EGLN1: variants seen among roughly 807,000 people sequenced by gnomAD.
The protein encoded by EGLN1 is egl nine homolog 1.
EGLN1 carries 17 observed loss-of-function variants against 38.3 expected under a neutral mutation model. That is an observed-to-expected ratio of 0.44 (90% CI 0.30 to 0.67). The LOEUF is 0.67. Ranked by LOEUF, EGLN1 falls within the 30% of genes least tolerant of loss-of-function variation. The probability of loss-of-function intolerance (pLI) is 0.08; values close to 1 mark genes in which losing one functional copy is unlikely to be tolerated. For missense variants in EGLN1, 477 were observed against 603.3 expected (o/e 0.79, Z 2.19); for synonymous variants, 283 against 257.5 (o/e 1.10, Z -0.95).
intron 1 of EGLN1, among the ~76,000 whole-genome samples, chr1:231,389,874 G>C (rs1688322947): frequency 6.6e-6 from 1 of 152,156 alleles, no homozygotes; most frequent in African/African-American, 2.4e-5. Context: ...CTTGAACCCG[G>C]GAGGCAGAGG....
chr1:231,407,958 C>G (rs1419678720), intron 1 of EGLN1, among the ~76,000 whole-genome samples: 1 of 151,988 alleles, frequency 6.6e-6, no homozygotes, highest in African/African-American at 2.4e-5. Context: ...GGTGGTAAAG[C>G]AGAGGTGAGG....
chr1:231,397,316 AAAT>A (rs1688554702), intron 1 of EGLN1, among the ~76,000 whole-genome samples: 1 of 152,218 alleles, frequency 6.6e-6, no homozygotes, highest in Admixed American at 6.5e-5. Context: ...AAATCAATAT[AAAT>A]CAAACTACTT....
chr1:231,404,716 C>T (rs1289271405), intron 1 of EGLN1, among the ~76,000 whole-genome samples: 1 of 151,990 alleles, frequency 6.6e-6, no homozygotes, highest in African/African-American at 2.4e-5. Context: ...AATTAATTAA[C>T]ATCTAAGGGT....
At chr1:231,378,487 G>C (rs1007582549) in intron 1 of EGLN1, among the ~76,000 whole-genome samples, 1 of 152,058 alleles carries the variant, frequency 6.6e-6, no homozygotes, top group Non-Finnish European at 1.5e-5. Context: ...TCAGAGACAA[G>C]GTCTCACGAC....
chr1:231,409,948 T>C (rs1316063321), intron 1 of EGLN1, among the ~76,000 whole-genome samples: 1 of 151,988 alleles, frequency 6.6e-6, no homozygotes, highest in African/African-American at 2.4e-5. Context: ...GGCAAACTAG[T>C]TTAAGAACTT....
chr1:231,421,786 G>T lies in EGLN1; in HGVS notation c.103C>A (p.Arg35Ser). 1 of 1,558,476 alleles carries T rather than the reference G, an allele frequency of 6.4e-7. No individual in the cohort carries two copies. Among genetic ancestry groups the T allele is most frequent in the Non-Finnish European group, 8.6e-7 (1 of 1,162,272 alleles). The change falls in exon 1 of 5, where the codon CGC becomes AGC. Residue 35 changes from arginine (R) to serine (S), a missense_variant. Transcript: ENST00000366641. The surrounding 1 kb of genome is among the most constrained non-coding windows in gnomAD (Gnocchi z 5.5). ...GKMENLLRCS[R>S]CRSSFYCCKE... The stretch of plus-strand genomic sequence containing the variant: ...CAGCAGTAGAAGGAGCTGCGGCAGC[G>T]GCTGCAGCGCAGCAGGTTCTCCATC...
At chr1:231,379,820 A>G (rs1454305993) in intron 1 of EGLN1, among the ~76,000 whole-genome samples, 1 of 152,218 alleles carries the variant, frequency 6.6e-6, no homozygotes, top group African/African-American at 2.4e-5. Context: ...CATCAACATT[A>G]TAACAAAACG....
intron 2 of EGLN1, among the ~76,000 whole-genome samples, chr1:231,371,743 T>C (rs182088423): frequency 1.3e-4 from 20 of 152,274 alleles, no homozygotes; most frequent in Admixed American, 2.6e-4. Context: ...GATCTGGGGA[T>C]AGGCAAAACC....
intron 1 of EGLN1, among the ~76,000 whole-genome samples, chr1:231,388,023 A>C (rs1688265403): frequency 6.6e-6 from 1 of 152,192 alleles, no homozygotes; most frequent in Admixed American, 6.5e-5. Context: ...ATGTAAATCT[A>C]CTGTAGGCAG....
In EGLN1 at chr1:231,391,088, T is replaced by TGTGTGTGTGTG. The variant is rs1558387104; in HGVS notation, c.892-16990_892-16989insCACACACACAC. Among the ~76,000 whole-genome samples, 30 of 34,736 alleles carry TGTGTGTGTGTG rather than the reference T, an allele frequency of 8.6e-4. 4 individuals carry two copies. Among genetic ancestry groups the TGTGTGTGTGTG allele is most frequent in the African/African-American group, 1.9e-3 (26 of 14,038 alleles). The allele number at this position is 34,736 out of a possible 152,430, so 22.8% of individuals were successfully genotyped here. On this transcript the variant is annotated intron_variant, in intron 1 of 4. Transcript: ENST00000366641. ...TGAGACAGGGAACTCATTCTGTTTT[T>TGTGTGTGTGTG]TTTTTGTGTGTGTGTGTGTGTGTGT...
rs770058248 is a variant in EGLN1, at chr1:231,419,207, C to T, written c.891+1791G>A. Among the ~76,000 whole-genome samples, 98 of 152,178 alleles carry T rather than the reference C, an allele frequency of 6.4e-4. 1 individual carries two copies. Among genetic ancestry groups the T allele is most frequent in the Non-Finnish European group, 1.4e-3 (93 of 68,022 alleles). Reference sequence around the variant, plus strand: ...CCTGCTAATATGTACAGTTACGTGACTTAAAACCCCAACAACTAGAACTCT... The same window carrying T: ...CCTGCTAATATGTACAGTTACGTGATTTAAAACCCCAACAACTAGAACTCT... On this transcript the variant is annotated intron_variant, in intron 1 of 4. Transcript: ENST00000366641.
intron 2 of EGLN1, among the ~76,000 whole-genome samples, chr1:231,373,248 T>C (rs964454290): frequency 3.3e-5 from 5 of 152,124 alleles, no homozygotes; most frequent in African/African-American, 4.8e-5. Context: ...GCCTCCAATA[T>C]TCAATTAAAC....
chr1:231,420,395 G>A (rs770300165), intron 1 of EGLN1: 4 of 158,102 alleles, frequency 2.5e-5, no homozygotes, highest in African/African-American at 9.6e-5. Flanking sequence ...AAAACAGTAG[G>A]AACAGGGTGA....
rs766379743 is a variant in EGLN1, at chr1:231,421,109, C to T, written c.780G>A (p.Glu260=). 3 of 1,614,100 alleles carry T rather than the reference C, an allele frequency of 1.9e-6. No homozygotes were observed. Among genetic ancestry groups the T allele is most frequent in the Middle Eastern group, 3.3e-4 (2 of 6,084 alleles). The change falls in exon 1 of 5, where the codon GAG becomes GAA. Residue 260 remains glutamate, a synonymous_variant. Coordinates refer to ENST00000366641, the MANE Select transcript of EGLN1 (RefSeq NM_022051.3). The surrounding 1 kb of genome is among the most constrained non-coding windows in gnomAD (Gnocchi z 5.5). ...DIRGDKITWI[E]GKEPGCETIG... ...TGGTTTCGCAGCCGGGCTCCTTGCC[C>T]TCGATCCAGGTGATCTTATCGCCTC...
At chr1:231,413,628 C>T (rs1480018301) in intron 1 of EGLN1, among the ~76,000 whole-genome samples, 1 of 152,148 alleles carries the variant, frequency 6.6e-6, no homozygotes, top group East Asian at 1.9e-4. Flanking sequence ...CCACCCCACA[C>T]TTCCTCCAAC....
At chr1:231,369,574 TACAACCTG>T in intron 3 of EGLN1, 1 of 985,384 alleles carries the variant, frequency 1.0e-6, no homozygotes, top group Non-Finnish European at 1.2e-6. Flanking sequence ...AATCTCCAGC[TACAACCTG>T]CTTAGCTTGC....
intron 1 of EGLN1, among the ~76,000 whole-genome samples, chr1:231,401,492 T>C (rs1462652420): frequency 2.0e-5 from 3 of 152,222 alleles, no homozygotes; most frequent in Non-Finnish European, 4.4e-5. Context: ...TGTACAGAGA[T>C]ACATCTTTAA....
intron 1 of EGLN1, among the ~76,000 whole-genome samples, chr1:231,396,033 T>A (rs2224256): frequency 0.062 from 4,153 of 66,680 alleles, 211 homozygotes; most frequent in Middle Eastern, 0.098. Context: ...CCCACTCCTT[T>A]AAAAAGAAAA....
chr1:231,390,761 G>A (rs775230420), intron 1 of EGLN1, among the ~76,000 whole-genome samples: 31 of 152,332 alleles, frequency 2.0e-4, no homozygotes, highest in Middle Eastern at 3.4e-3. Context: ...AGGCAGCACA[G>A]GCAGAAATGC....
Sources: allele counts gnomAD v4.1 joint callset (sites outside exome capture counted in the v4.1 genomes callset), GRCh38; gene constraint gnomAD v4.1.1; non-coding constraint Gnocchi (gnomAD v3.1); transcripts MANE v1.5; gene names NCBI Gene and HGNC (gene_info 2026-07-23, HGNC 2026-07-21).